CDC42SE2: variants seen among roughly 807,000 people sequenced by gnomAD.
CDC42SE2 encodes CDC42 small effector protein 2.
CDC42SE2 carries 3 observed loss-of-function variants against 11.5 expected under a neutral mutation model. That is an observed-to-expected ratio of 0.26 (90% CI 0.12 to 0.67). CDC42SE2 has a LOEUF of 0.67. Ranked by LOEUF, CDC42SE2 falls within the 30% of genes least tolerant of loss-of-function variation. The pLI is 0.80. For synonymous variants in CDC42SE2, 33 were observed against 34.8 expected, an observed-to-expected ratio of 0.95 and a Z score of 0.18; for missense variants, 82 against 106.8, an observed-to-expected ratio of 0.77 and a Z score of 1.02.
intron 4 of CDC42SE2, among the ~76,000 whole-genome samples, chr5:131,390,710 A>G (rs938589753): frequency 1.3e-5 from 2 of 152,096 alleles, no homozygotes; most frequent in Admixed American, 1.3e-4. Context: ...TATATTTTTG[A>G]CCATTTTTCA....
At position 131,325,600 on chromosome 5, in the gene CDC42SE2, T is replaced by C. The variant is rs529124027; in HGVS notation, c.-286+9456T>C. ...GTATAATATGTGCCAGGCTCTATTT[T>C]AGCCTGAACAAAACAGCTGATGTAG... On this transcript the variant is annotated intron_variant, in intron 2 of 4. Coordinates refer to ENST00000505065, the MANE Select transcript of CDC42SE2 (RefSeq NM_001375635.1). Among the ~76,000 whole-genome samples, 5 of 152,284 alleles carry C rather than the reference T, an allele frequency of 3.3e-5. No individual in the cohort carries two copies. In the South Asian group the frequency reaches 8.3e-4, roughly 25 times the overall value.
intron 1 of CDC42SE2, among the ~76,000 whole-genome samples, chr5:131,309,591 T>G (rs1363290557): frequency 6.6e-6 from 1 of 151,770 alleles, no homozygotes; most frequent in African/African-American, 2.4e-5. Context: ...TCTTTTTGTT[T>G]GGTAAGCTAT....
chr5:131,278,048 C>G (rs934138183), intron 1 of CDC42SE2, among the ~76,000 whole-genome samples: 1 of 152,120 alleles, frequency 6.6e-6, no homozygotes, highest in Non-Finnish European at 1.5e-5. Flanking sequence ...GGCTGGAGTT[C>G]AGTGGCATGA....
chr5:131,297,974 A>G (rs1353515440), intron 1 of CDC42SE2, among the ~76,000 whole-genome samples: 2 of 152,048 alleles, frequency 1.3e-5, no homozygotes, highest in Non-Finnish European at 2.9e-5. Context: ...TAATGTATTT[A>G]GCTATTTTTA....
chr5:131,356,340 G>A (rs1167496900), intron 2 of CDC42SE2, among the ~76,000 whole-genome samples: 1 of 152,198 alleles, frequency 6.6e-6, no homozygotes, highest in Non-Finnish European at 1.5e-5. Flanking sequence ...ATTAGTGGCA[G>A]TGTTGAAGTT....
At chr5:131,253,697 G>A (rs1163546818) in intron 1 of CDC42SE2, among the ~76,000 whole-genome samples, 4 of 152,110 alleles carry the variant, frequency 2.6e-5, no homozygotes, top group Admixed American at 6.5e-5. Flanking sequence ...CCCAGGAGGC[G>A]GAGGTTGTAG....
At chr5:131,308,325 C>A (rs1168847709) in intron 1 of CDC42SE2, among the ~76,000 whole-genome samples, 2 of 152,028 alleles carry the variant, frequency 1.3e-5, no homozygotes, top group East Asian at 3.9e-4. Context: ...GGTACCAGTA[C>A]CATGCTGTTT....
chr5:131,311,070 C>T (rs1222509546), intron 1 of CDC42SE2, among the ~76,000 whole-genome samples: 11 of 151,610 alleles, frequency 7.3e-5, no homozygotes, highest in South Asian at 4.2e-4. Flanking sequence ...GATTTTGCAG[C>T]GGCTGGTACC....
upstream of CDC42SE2, among the ~76,000 whole-genome samples, chr5:131,262,015 AAAAATCTG>A: frequency 6.6e-6 from 1 of 152,106 alleles, no homozygotes; most frequent in South Asian, 2.1e-4. Flanking sequence ...ACAAAATATG[AAAAATCTG>A]AAAATAAATG....
the CDC42SE2 span, among the ~76,000 whole-genome samples, chr5:131,216,337 C>A: frequency 6.6e-6 from 1 of 151,486 alleles, no homozygotes; most frequent in African/African-American, 2.4e-5. Context: ...CTCTGCAAAA[C>A]AAAATACAAA....
chr5:131,230,918 G>C, the CDC42SE2 span, among the ~76,000 whole-genome samples: 3 of 152,204 alleles, frequency 2.0e-5, no homozygotes, highest in African/African-American at 7.2e-5. Context: ...TTGCATTTCT[G>C]CTATAAAGCC....
At chr5:131,222,187 A>G in the CDC42SE2 span, among the ~76,000 whole-genome samples, 8 of 152,228 alleles carry the variant, frequency 5.3e-5, no homozygotes, top group African/African-American at 1.9e-4. Context: ...ATTTTCACTC[A>G]AATTTTACTA....
chr5:131,278,735 T>TC (rs1757163282), intron 1 of CDC42SE2, among the ~76,000 whole-genome samples: 1 of 5,382 alleles, frequency 1.9e-4, no homozygotes, highest in African/African-American at 1.9e-3. Context: ...CCCCCTCCCC[T>TC]CCCCTCCCCC....
chr5:131,275,544 T>G (rs1757084108), intron 1 of CDC42SE2, among the ~76,000 whole-genome samples: 1 of 152,184 alleles, frequency 6.6e-6, no homozygotes, highest in African/African-American at 2.4e-5. Context: ...TCCACCCACC[T>G]GGGCCTTCCA....
At chr5:131,249,175 G>A (rs1211706042) in intron 1 of CDC42SE2, among the ~76,000 whole-genome samples, 1 of 151,736 alleles carries the variant, frequency 6.6e-6, no homozygotes, top group Non-Finnish European at 1.5e-5. Flanking sequence ...ACACCACCAC[G>A]CCTGGCTGTT....
rs1333465695 is a variant in CDC42SE2 at position 131,311,223 on chromosome 5, C to A, written c.-454-4753C>A. ...ATGAAGCTTAGTTTGGCTGGATATG[C>A]AATTCTGGGTTGAAAATTCTTTTCT... On this transcript the variant is annotated intron_variant, in intron 1 of 4. Transcript: ENST00000505065. Among the ~76,000 whole-genome samples, 134 of 151,050 alleles carry A rather than the reference C, an allele frequency of 8.9e-4. 1 individual carries two copies. Among genetic ancestry groups the A allele is most frequent in the East Asian group, 3.3e-3 (17 of 5,120 alleles).
At chr5:131,376,402 T>A (rs1750158370) in intron 3 of CDC42SE2, among the ~76,000 whole-genome samples, 1 of 152,178 alleles carries the variant, frequency 6.6e-6, no homozygotes, top group Non-Finnish European at 1.5e-5. Context: ...GCAAATGAGT[T>A]CATGGCTTTA....
At chr5:131,238,244 T>A in the CDC42SE2 span, among the ~76,000 whole-genome samples, 2 of 152,040 alleles carry the variant, frequency 1.3e-5, no homozygotes, top group Non-Finnish European at 2.9e-5. Flanking sequence ...ATGCCTGTAA[T>A]CCCAGCACTT....
intron 1 of CDC42SE2, among the ~76,000 whole-genome samples, chr5:131,279,753 T>G (rs901745261): frequency 1.3e-5 from 2 of 152,078 alleles, no homozygotes; most frequent in African/African-American, 4.8e-5. Context: ...ATTTTCTGAC[T>G]GGAGAAAAAT....
Sources: allele counts gnomAD v4.1 joint callset (sites outside exome capture counted in the v4.1 genomes callset), GRCh38; gene constraint gnomAD v4.1.1; transcripts MANE v1.5; gene names NCBI Gene and HGNC (gene_info 2026-07-23, HGNC 2026-07-21).